Variants in TMEM62 observed in about 807,000 individuals in gnomAD.
TMEM62 encodes the protein transmembrane protein 62.
Under a neutral mutation model 70.4 loss-of-function variants are expected in TMEM62, and 41 were observed. The observed-to-expected ratio is 0.58, with a 90% CI of 0.45 to 0.76. The LOEUF (loss-of-function observed/expected upper bound fraction) is 0.76, where lower values mean the gene tolerates loss of function less well. Ranked by LOEUF, TMEM62 falls within the 30% of genes least tolerant of loss-of-function variation. The pLI is 0.00. For synonymous variants in TMEM62, 268 were observed against 291.0 expected (o/e 0.92, Z 0.80); for missense variants, 688 against 788.5 (o/e 0.87, Z 1.53).
chr15:43,154,314 C>T (rs2037779986), intron 8 of TMEM62, among the ~76,000 whole-genome samples: 1 of 152,062 alleles, frequency 6.6e-6, no homozygotes, highest in Non-Finnish European at 1.5e-5. Context: ...ATTAGATTAA[C>T]AAAATGAGAT....
At chr15:43,136,603 C>A (rs2035254430) in intron 3 of TMEM62, among the ~76,000 whole-genome samples, 1 of 151,426 alleles carries the variant, frequency 6.6e-6, no homozygotes, top group Non-Finnish European at 1.5e-5. Context: ...TACCACCCTG[C>A]CCAGTTAATT....
At chr15:43,170,583 T>C (rs1008005310) in intron 11 of TMEM62, among the ~76,000 whole-genome samples, 11 of 151,680 alleles carry the variant, frequency 7.3e-5, no homozygotes, top group African/African-American at 2.2e-4. Flanking sequence ...AAAAAAAAAC[T>C]AATAAGGATA....
chr15:43,150,713 C>T (rs1173953853), intron 7 of TMEM62, among the ~76,000 whole-genome samples: 3 of 152,114 alleles, frequency 2.0e-5, no homozygotes, highest in Non-Finnish European at 2.9e-5. Flanking sequence ...ATTCCTATTT[C>T]GACATGTCGA....
chr15:43,137,234 T>C (rs577517764), intron 3 of TMEM62, among the ~76,000 whole-genome samples: 6 of 152,358 alleles, frequency 3.9e-5, no homozygotes, highest in Admixed American at 3.3e-4. Flanking sequence ...GTACTTCATT[T>C]GTCTACTTTA....
intron 13 of TMEM62, among the ~76,000 whole-genome samples, chr15:43,182,327 A>G (rs1018283302): frequency 6.6e-6 from 1 of 152,220 alleles, no homozygotes; most frequent in African/African-American, 2.4e-5. Flanking sequence ...ACAGGATTAG[A>G]GACAGCCAAG....
chr15:43,161,654 C>G (rs2038716157), intron 10 of TMEM62, among the ~76,000 whole-genome samples: 1 of 151,576 alleles, frequency 6.6e-6, no homozygotes, highest in South Asian at 2.1e-4. Context: ...TGTTTGTTTG[C>G]TTGTTTGTTT....
At chr15:43,180,086 T>C (rs2041186356) in intron 12 of TMEM62, 2 of 152,336 alleles carry the variant, frequency 1.3e-5, no homozygotes, top group East Asian at 3.9e-4. Flanking sequence ...CCTCTGACTT[T>C]TTAAAGCTGA....
rs569461584 is a variant in TMEM62 at position 43,161,643 on chromosome 15, T to A, written c.1296+849T>A. Among the ~76,000 whole-genome samples the A allele has an allele frequency of 3.3e-5, 5 of 152,192 alleles. No individual in the cohort carries two copies. The South Asian group carries it at 1.0e-3, about 32-fold the overall frequency. ...ATATGTGTGTGTGTATATATGTATTTTGTTTGTTTGCTTGTTTGTTTTTTG... is the reference window on the plus strand; with the variant it reads ...ATATGTGTGTGTGTATATATGTATTATGTTTGTTTGCTTGTTTGTTTTTTG... On this transcript the variant is annotated intron_variant, in intron 10 of 13. Coordinates refer to ENST00000260403, the MANE Select transcript of TMEM62 (RefSeq NM_024956.4).
chr15:43,146,729 T>C, intron 5 of TMEM62, 95 bp downstream of exon 5: 1 of 1,117,100 alleles, frequency 9.0e-7, no homozygotes, highest in Non-Finnish European at 1.2e-6. Flanking sequence ...CTAGTTGTTA[T>C]CTAGGAATGC....
chr15:43,153,492 A>G (rs992305310), intron 8 of TMEM62, among the ~76,000 whole-genome samples: 5 of 152,142 alleles, frequency 3.3e-5, no homozygotes, highest in Non-Finnish European at 5.9e-5. Context: ...TTCTGTCTCT[A>G]TGAATTTGAC....
chr15:43,178,809 A>G (rs1256448587), intron 12 of TMEM62, 98 bp downstream of exon 12: 2 of 613,560 alleles, frequency 3.3e-6, no homozygotes, highest in Admixed American at 3.5e-5. Context: ...CAAATGGCTC[A>G]TGGATTCTTC....
At chr15:43,143,438 TG>T (rs1187077438) in intron 4 of TMEM62, among the ~76,000 whole-genome samples, 2 of 152,260 alleles carry the variant, frequency 1.3e-5, no homozygotes, top group Non-Finnish European at 2.9e-5. Flanking sequence ...TGCTTTATTG[TG>T]GTGTCAGGAA....
intron 13 of TMEM62, among the ~76,000 whole-genome samples, chr15:43,182,434 T>TTTTCC (rs1303416312): frequency 6.6e-6 from 1 of 151,344 alleles, no homozygotes; most frequent in African/African-American, 2.4e-5. Flanking sequence ...TTCATTTCAG[T>TTTTCC]TTTCTTTTCT....
intron 4 of TMEM62, among the ~76,000 whole-genome samples, chr15:43,140,794 G>A (rs569116854): frequency 3.4e-4 from 52 of 152,282 alleles, no homozygotes; most frequent in Non-Finnish European, 2.5e-4. Flanking sequence ...TTCAGCAGGC[G>A]GTACATACAT....
rs1256937231 is a variant in TMEM62 at position 43,154,809 on chromosome 15, A to G, written c.1160A>G (p.His387Arg). The G allele has an allele frequency of 1.9e-6, 3 of 1,611,456 alleles. No homozygotes were observed. Among genetic ancestry groups the G allele is most frequent in the African/African-American group, 1.3e-5 (1 of 74,780 alleles). The change falls in exon 9 of 14, where the codon CAT (histidine) becomes CGT (arginine). Residue 387 changes from histidine (H) to arginine (R), a missense_variant. Physicochemically the swap from His to Arg is conservative, Grantham distance 29. Coordinates refer to ENST00000260403, the MANE Select transcript of TMEM62 (RefSeq NM_024956.4). ...WNPRNYSSGT[H>R]NIEVIVQDSA... ...CCTAGAAACTACAGTAGTGGGACAC[A>G]TAACATAGAAGTAATCGTCCAGGTA...
At position 43,134,307 on chromosome 15, in the gene TMEM62, C is replaced by T; in HGVS notation, c.231C>T (p.Asp77=). The T allele has an allele frequency of 2.5e-6, 4 of 1,614,172 alleles. No homozygotes were observed. Among genetic ancestry groups the T allele is most frequent in the Non-Finnish European group, 3.4e-6 (4 of 1,180,024 alleles). Residue 77 remains aspartate (D), a synonymous_variant, in exon 2 of 14, where the codon GAC becomes GAT. Transcript: ENST00000260403. ...SRFRDPGRAV[D]LEKFCSETID... ...TTCGAGATCCAGGCAGAGCGGTAGA[C>T]TTAGAGAAATTCTGTTCTGAAACTA...
Position 43,154,840 on chromosome 15 carries a change from G to C in TMEM62, c.1182+9G>C, listed in dbSNP as rs2037844403. The C allele has an allele frequency of 6.3e-7, 1 of 1,585,910 alleles. No homozygotes were observed. The highest frequency in any genetic ancestry group is 8.6e-7 in the Non-Finnish European group (1 of 1,168,052). On this transcript the variant is annotated intron_variant, in intron 9 of 13. Transcript: ENST00000260403. ...TAGAAGTAATCGTCCAGGTAAGTTA[G>C]TAATTTATATTTACTATGTAAATGA...
intron 9 of TMEM62, among the ~76,000 whole-genome samples, chr15:43,158,518 G>A (rs887215804): frequency 6.6e-6 from 1 of 152,160 alleles, no homozygotes; most frequent in African/African-American, 2.4e-5. Flanking sequence ...GAGCAGTCAA[G>A]CCAGCTCCAG....
chr15:43,142,781 C>T lies in TMEM62; in HGVS notation c.477-3712C>T, dbSNP rs186225931. 2.2e-3 allele frequency among the ~76,000 whole-genome samples: 337 copies of T among 151,718 alleles called. 2 individuals are homozygous for T. Among genetic ancestry groups the T allele is most frequent in the African/African-American group, 7.8e-3 (323 of 41,382 alleles). On this transcript the variant is annotated intron_variant, in intron 4 of 13. Transcript: ENST00000260403. ...CCTTCCAGGCTCAAAGTGATCCTCC[C>T]ACCTCAGCCTCTCGGGTAGCTGGGA...
Sources: allele counts gnomAD v4.1 joint callset (sites outside exome capture counted in the v4.1 genomes callset), GRCh38; gene constraint gnomAD v4.1.1; transcripts MANE v1.5; gene names NCBI Gene and HGNC (gene_info 2026-07-23, HGNC 2026-07-21).